RBFOX2: variants seen among roughly 807,000 people sequenced by gnomAD.
RBFOX2 encodes the protein RNA binding fox-1 homolog 2, also known as RNA binding protein fox-1 homolog 2.
A neutral mutation model predicts 49.1 loss-of-function variants in RBFOX2; 10 were observed. The ratio of observed to expected loss-of-function variants is 0.20; its 90% CI spans 0.13 to 0.35. RBFOX2 has a LOEUF of 0.35. RBFOX2 is among the 10% of genes least tolerant of loss of function. The pLI is 1.00. For synonymous variants in RBFOX2, 183 were observed against 187.4 expected (o/e 0.98, Z 0.19); for missense variants, 323 against 486.9 (o/e 0.66, Z 3.17).
chr22:35,924,550 GCTT>G (rs771915747), intron 1 of RBFOX2, among the ~76,000 whole-genome samples: 1 of 152,128 alleles, frequency 6.6e-6, no homozygotes, highest in South Asian at 2.1e-4. Context: ...CAGATATCTA[GCTT>G]CTTAAGTATT....
intron 1 of RBFOX2, among the ~76,000 whole-genome samples, chr22:35,951,678 T>A (rs1026162551): frequency 6.6e-6 from 1 of 152,228 alleles, no homozygotes; most frequent in African/African-American, 2.4e-5. Context: ...ACAGACATTA[T>A]GCCTAGTGTT....
upstream of RBFOX2, among the ~76,000 whole-genome samples, chr22:35,941,652 T>G (rs960020783): frequency 5.3e-5 from 8 of 152,096 alleles, no homozygotes; most frequent in Non-Finnish European, 1.2e-4. Context: ...CAAAAGCATA[T>G]TAACAGAAAT....
chr22:35,828,092 C>CG (rs1450098648), intron 1 of RBFOX2, among the ~76,000 whole-genome samples: 1 of 149,224 alleles, frequency 6.7e-6, no homozygotes. Context: ...GCCTGGGAAA[C>CG]GGAGGTTGCA....
chr22:35,774,390 A>C (rs1943396605), intron 4 of RBFOX2, among the ~76,000 whole-genome samples: 1 of 152,108 alleles, frequency 6.6e-6, no homozygotes, highest in Admixed American at 6.5e-5. Context: ...AAATTAGTTA[A>C]TTTTTTGGCA....
intron 1 of RBFOX2, among the ~76,000 whole-genome samples, chr22:35,886,300 T>C (rs1293803495): frequency 2.0e-5 from 3 of 152,144 alleles, no homozygotes; most frequent in South Asian, 2.1e-4. Flanking sequence ...TCTTATTTAA[T>C]AATAGTGAAA....
At chr22:35,786,540 G>A (rs924549914) in intron 2 of RBFOX2, among the ~76,000 whole-genome samples, 13 of 152,112 alleles carry the variant, frequency 8.5e-5, no homozygotes, top group African/African-American at 2.4e-4. Context: ...ACCCTGGGGG[G>A]CCCCCACCAG....
At chr22:35,747,901 A>G (rs1933369214) in intron 9 of RBFOX2, 1 of 152,156 alleles carries the variant, frequency 6.6e-6, no homozygotes, top group African/African-American at 2.4e-5. Context: ...AAGAAATTTC[A>G]AATTTACTTC....
At chr22:35,994,444 C>CA (rs2058106704) in intron 1 of RBFOX2, 1 of 151,366 alleles carries the variant, frequency 6.6e-6, no homozygotes, top group Non-Finnish European at 1.5e-5. Context: ...CTCACTGTGT[C>CA]ACTCAGGCCA....
intron 1 of RBFOX2, among the ~76,000 whole-genome samples, chr22:35,818,856 G>C (rs1953790402): frequency 6.6e-6 from 1 of 152,158 alleles, no homozygotes; most frequent in East Asian, 1.9e-4. Context: ...AAGTAGTAGA[G>C]TGTCTTCTGA....
intron 1 of RBFOX2, among the ~76,000 whole-genome samples, chr22:35,967,105 T>C (rs1215008505): frequency 2.0e-5 from 3 of 152,144 alleles, no homozygotes; most frequent in Admixed American, 1.3e-4. Context: ...AGAATACAGG[T>C]GTGCACCACC....
At chr22:35,897,447 T>A (rs1460344627) in intron 1 of RBFOX2, 3 of 843,206 alleles carry the variant, frequency 3.6e-6, no homozygotes, top group African/African-American at 1.7e-5. Context: ...CTCCACTTTA[T>A]CCCTTGTTGT....
chr22:35,742,123 T>A (rs1930266545), exon 12 of RBFOX2: 1 of 152,178 alleles, frequency 6.6e-6, no homozygotes, highest in Non-Finnish European at 1.5e-5. Context: ...ACAACAAAAA[T>A]TGTCTTAACA....
At chr22:35,962,177 C>G (rs563924221), upstream of RBFOX2, among the ~76,000 whole-genome samples, 1 of 152,320 alleles carries the variant, frequency 6.6e-6, no homozygotes, top group Non-Finnish European at 1.5e-5. Flanking sequence ...TCTTTAACCT[C>G]TTAGAAGATG....
chr22:35,938,745 T>G, intron 1 of RBFOX2, 102 bp downstream of exon 2: 1 of 1,153,906 alleles, frequency 8.7e-7, no homozygotes, highest in South Asian at 1.3e-5. Flanking sequence ...CACATTTCCT[T>G]TCAAAGTAAG....
In RBFOX2 at chr22:35,759,570, C is replaced by A. The variant is rs1292724386; in HGVS notation, c.887+318G>T. Among the ~76,000 whole-genome samples, 1 of 152,138 alleles carries A rather than the reference C, an allele frequency of 6.6e-6. No homozygotes were observed. The highest frequency in any genetic ancestry group is 1.5e-5 in the Non-Finnish European group (1 of 68,032). On this transcript the variant is annotated intron_variant, in intron 9 of 11. Transcript: ENST00000405409. This position sits in a 1 kb window ranked among gnomAD's most constrained non-coding sequence, Gnocchi z 4.6. ...TTGGTTCTCTGCAGTAATGTTAATC[C>A]ATATTCGTGCGCTTCTGAGTGAACT...
chr22:36,011,186 A>G (rs748830390), intron 1 of RBFOX2, among the ~76,000 whole-genome samples: 1 of 152,152 alleles, frequency 6.6e-6, no homozygotes, highest in Admixed American at 6.6e-5. Flanking sequence ...CTGACCCACA[A>G]TGTGCCCCAC....
At chr22:35,875,847 T>C (rs1187195868) in intron 1 of RBFOX2, among the ~76,000 whole-genome samples, 1 of 152,048 alleles carries the variant, frequency 6.6e-6, no homozygotes, top group Non-Finnish European at 1.5e-5. Flanking sequence ...ACATTTTAAC[T>C]AACAAATTTT....
exon 12 of RBFOX2, chr22:35,739,120 G>C (rs945498462): frequency 6.5e-6 from 1 of 154,262 alleles, no homozygotes; most frequent in African/African-American, 2.4e-5. Flanking sequence ...GGGGAGGACG[G>C]GAGGGGAGAG....
At chr22:35,840,203 T>C (rs1313868089) in exon 1 of RBFOX2, 1 of 1,613,884 alleles carries the variant, frequency 6.2e-7, no homozygotes, top group African/African-American at 1.3e-5. Flanking sequence ...TGAGTTACCA[T>C]TTTCTTTTTC....
Sources: allele counts gnomAD v4.1 joint callset (sites outside exome capture counted in the v4.1 genomes callset), GRCh38; gene constraint gnomAD v4.1.1; non-coding constraint Gnocchi (gnomAD v3.1); transcripts MANE v1.5; gene names NCBI Gene and HGNC (gene_info 2026-07-23, HGNC 2026-07-21).